The following ORC2 variants were observed in gnomAD, a reference collection of about 807,000 sequenced individuals.
ORC2 encodes origin recognition complex subunit 2.
A neutral mutation model predicts 77.7 loss-of-function variants in ORC2; 37 were observed. That is an observed-to-expected ratio of 0.48 (90% CI 0.37 to 0.63). The LOEUF is 0.63. ORC2 is among the 20% of genes least tolerant of loss of function. The pLI, the probability that ORC2 is intolerant of heterozygous loss-of-function variation, is 0.00. For synonymous variants in ORC2, 201 were observed against 229.5 expected, an observed-to-expected ratio of 0.88 and a Z score of 1.12; for missense variants, 557 against 661.9, an observed-to-expected ratio of 0.84 and a Z score of 1.74.
chr2:200,941,100 A>G (rs1329546785), intron 7 of ORC2, 148 bp downstream of exon 7: 3 of 526,454 alleles, frequency 5.7e-6, no homozygotes, highest in East Asian at 3.1e-5. Flanking sequence ...TTCTCCACCT[A>G]TAAGTTAGGT....
chr2:200,959,670 A>G (rs1390333065), intron 1 of ORC2, among the ~76,000 whole-genome samples: 1 of 152,202 alleles, frequency 6.6e-6, no homozygotes, highest in Non-Finnish European at 1.5e-5. Flanking sequence ...GAGGAGGACA[A>G]AATTTGAGCA....
Position 200,938,479 on chromosome 2 carries a change from G to T in ORC2, c.454-513C>A, listed in dbSNP as rs567472507. Among the ~76,000 whole-genome samples the T allele has an allele frequency of 2.6e-5, 4 of 152,246 alleles. No individual in the cohort carries two copies. In the South Asian group the frequency reaches 6.2e-4, roughly 24 times the overall value. ...TACATTCTTTGAGGAGAGAAGGAGA[G>T]ATTTACACTTTCTTACTTTCTGTAT... is the stretch of plus-strand genomic sequence containing the variant. On this transcript the variant is annotated intron_variant, in intron 7 of 17. Coordinates refer to ENST00000234296, the MANE Select transcript of ORC2 (RefSeq NM_006190.5).
chr2:200,944,269 G>A (rs1367722677), intron 5 of ORC2, among the ~76,000 whole-genome samples: 3 of 151,892 alleles, frequency 2.0e-5, no homozygotes, highest in African/African-American at 2.4e-5. Context: ...TGCCTCCCAG[G>A]TTCAAGCAGT....
intron 1 of ORC2, among the ~76,000 whole-genome samples, chr2:200,960,436 T>C (rs2125042412): frequency 6.6e-6 from 1 of 152,360 alleles, no homozygotes; most frequent in Admixed American, 6.5e-5. Context: ...TGGGCCATTT[T>C]TCTAGTCATA....
intron 4 of ORC2, among the ~76,000 whole-genome samples, chr2:200,953,736 G>A (rs1276831586): frequency 6.6e-6 from 1 of 152,194 alleles, no homozygotes; most frequent in Non-Finnish European, 1.5e-5. Flanking sequence ...AATGAGAAAA[G>A]TTTGGGAGAT....
chr2:200,958,251 T>G (rs1365076457), intron 2 of ORC2, 118 bp from the exon 3 acceptor site: 1 of 603,778 alleles, frequency 1.7e-6, no homozygotes, highest in African/African-American at 1.8e-5. Flanking sequence ...TTTTTAAGTA[T>G]AAAAAATACA....
At position 200,917,306 on chromosome 2, in the gene ORC2, A is replaced by G. The variant is rs182729750; in HGVS notation, c.1466+2916T>C. Among the ~76,000 whole-genome samples the G allele has an allele frequency of 2.3e-3, 343 of 152,118 alleles. 3 individuals are homozygous for G. Among genetic ancestry groups the G allele is most frequent in the African/African-American group, 7.9e-3 (329 of 41,514 alleles). Reference sequence around the variant, plus strand: ...CACCGCGCCCAGCCTGCATATTCCAATATTAATGCAAGGCTTTATTTTTAC... The same window carrying G: ...CACCGCGCCCAGCCTGCATATTCCAGTATTAATGCAAGGCTTTATTTTTAC... On this transcript the variant is annotated intron_variant, in intron 15 of 17. Transcript: ENST00000234296.
chr2:200,916,128 T>C (rs560674344), intron 15 of ORC2, among the ~76,000 whole-genome samples: 5 of 152,324 alleles, frequency 3.3e-5, no homozygotes, highest in South Asian at 4.1e-4. Context: ...AATTTCAAAA[T>C]AGTTTAAATA....
intron 15 of ORC2, among the ~76,000 whole-genome samples, chr2:200,917,629 C>A (rs1488254712): frequency 6.6e-6 from 1 of 152,142 alleles, no homozygotes; most frequent in African/African-American, 2.4e-5. Flanking sequence ...AGAACTTACA[C>A]ACACGAGTGC....
chr2:200,920,964 A>G lies in ORC2; in HGVS notation c.1294+29T>C, dbSNP rs757170922. The G allele has an allele frequency of 2.0e-6, 3 of 1,478,390 alleles. No homozygotes were observed. In the South Asian group the frequency reaches 4.5e-5, roughly 22 times the overall value. The allele number at this position is 1,478,390 out of a possible 1,614,324, so 91.6% of individuals were successfully genotyped here. A position where few individuals can be genotyped will look rare whatever the true frequency, so the allele number is the denominator to read the frequency against. On this transcript the variant is annotated intron_variant, in intron 14 of 17. Coordinates refer to ENST00000234296, the MANE Select transcript of ORC2 (RefSeq NM_006190.5). ...TTTGTCTTGTAAGACTGATATCTCT[A>G]GAAGGAAAAATAGTAACAATTAACT... is the stretch of plus-strand genomic sequence containing the variant.
At chr2:200,934,163 A>G (rs1304529339) in intron 9 of ORC2, among the ~76,000 whole-genome samples, 189 bp from the exon 10 acceptor site, 1 of 152,252 alleles carries the variant, frequency 6.6e-6, no homozygotes, top group Non-Finnish European at 1.5e-5. Context: ...AGTAATTACT[A>G]GGATCATATA....
At chr2:200,928,819 A>AC (rs2040888204) in intron 11 of ORC2, among the ~76,000 whole-genome samples, 1 of 151,844 alleles carries the variant, frequency 6.6e-6, no homozygotes, top group African/African-American at 2.4e-5. Flanking sequence ...GTCTCAAAAA[A>AC]AAAAACAACA....
chr2:200,910,041 G>A lies in ORC2; in HGVS notation c.*1260C>T, dbSNP rs2040524358. On this transcript the variant is annotated 3_prime_UTR_variant, in exon 18 of 18. Transcript: ENST00000234296. ...GCCTCCCAAAGTGTTGTGATTACAGGCATAAGCCATTATGCCTGGCCAAAA... is the reference window on the plus strand; with the variant it reads ...GCCTCCCAAAGTGTTGTGATTACAGACATAAGCCATTATGCCTGGCCAAAA... 1 of 152,098 alleles carries A rather than the reference G, an allele frequency of 6.6e-6. No homozygotes were observed. Among genetic ancestry groups the A allele is most frequent in the South Asian group, 2.1e-4 (1 of 4,830 alleles). The allele number at this position is 152,098 out of a possible 1,614,324, so 9.4% of individuals were successfully genotyped here.
At chr2:200,916,087 A>G (rs942164279) in intron 15 of ORC2, among the ~76,000 whole-genome samples, 1 of 152,232 alleles carries the variant, frequency 6.6e-6, no homozygotes, top group African/African-American at 2.4e-5. Flanking sequence ...AGTAAAGTCT[A>G]AATGATACTG....
intron 9 of ORC2, 124 bp from the exon 10 acceptor site, chr2:200,934,098 TA>T: frequency 1.9e-6 from 1 of 521,616 alleles, no homozygotes; most frequent in East Asian, 2.9e-5. Flanking sequence ...ATTTTCTTTT[TA>T]AAGCAACAGT....
chr2:200,912,699 C>T (rs2040572970), intron 17 of ORC2, among the ~76,000 whole-genome samples: 3 of 152,110 alleles, frequency 2.0e-5, no homozygotes, highest in African/African-American at 4.8e-5. Context: ...GGATCACAGG[C>T]GTGAGCCACC....
chr2:200,937,375 A>G (rs1037532114), intron 8 of ORC2, among the ~76,000 whole-genome samples: 1 of 152,208 alleles, frequency 6.6e-6, no homozygotes, highest in Non-Finnish European at 1.5e-5. Flanking sequence ...TATGAAATCC[A>G]TACCTTGAAA....
At chr2:200,917,640 A>C (rs2040679598) in intron 15 of ORC2, among the ~76,000 whole-genome samples, 1 of 152,206 alleles carries the variant, frequency 6.6e-6, no homozygotes, top group African/African-American at 2.4e-5. Context: ...ACACGAGTGC[A>C]GCATGTATAA....
At chr2:200,949,066 C>A (rs1051327697) in intron 5 of ORC2, among the ~76,000 whole-genome samples, 7 of 151,546 alleles carry the variant, frequency 4.6e-5, no homozygotes, top group African/African-American at 1.7e-4. Context: ...TGGTGAAACC[C>A]CTTCTCTACT....
Sources: allele counts gnomAD v4.1 joint callset (sites outside exome capture counted in the v4.1 genomes callset), GRCh38; gene constraint gnomAD v4.1.1; transcripts MANE v1.5; gene names NCBI Gene and HGNC (gene_info 2026-07-23, HGNC 2026-07-21).